Variants in ZNF112 observed in about 807,000 individuals in gnomAD.
ZNF112 encodes the protein zinc finger protein 112 (Y14).
In ZNF112, 37 loss-of-function variants were observed where a neutral mutation model predicts 77.7. That is an observed-to-expected ratio of 0.48 (90% CI 0.37 to 0.63). The LOEUF (loss-of-function observed/expected upper bound fraction) is 0.63. Among genes scored for constraint, ZNF112 ranks in the 20% least tolerant of loss-of-function variants. ZNF112 has a pLI of 0.00. For missense variants in ZNF112, 950 were observed against 1,077.4 expected (o/e 0.88, Z 1.66); for synonymous variants, 333 against 363.6 (o/e 0.92, Z 0.96).
At chr19:44,346,447 T>C (rs1970591750) in intron 1 of ZNF112, among the ~76,000 whole-genome samples, 1 of 152,330 alleles carries the variant, frequency 6.6e-6, no homozygotes, top group South Asian at 2.1e-4. Flanking sequence ...ATCTAGAAGC[T>C]GCTCATTAGC....
intron 3 of ZNF112, among the ~76,000 whole-genome samples, chr19:44,331,695 A>T (rs1232538525): frequency 6.6e-6 from 1 of 152,214 alleles, no homozygotes; most frequent in African/African-American, 2.4e-5. Flanking sequence ...TGTGCACTGC[A>T]TTCCTTTCAC....
intron 1 of ZNF112, among the ~76,000 whole-genome samples, chr19:44,366,571 G>C (rs1445219074): frequency 6.6e-6 from 1 of 152,120 alleles, no homozygotes; most frequent in African/African-American, 2.4e-5. Context: ...CGAGAAATCA[G>C]AACTGTGTCT....
chr19:44,339,758 T>C (rs1970454898), intron 2 of ZNF112, among the ~76,000 whole-genome samples: 1 of 152,150 alleles, frequency 6.6e-6, no homozygotes, highest in Non-Finnish European at 1.5e-5. Flanking sequence ...CTCAGTACTC[T>C]TGGGTCTTGG....
intron 3 of ZNF112, 25 bp downstream of exon 3, chr19:44,336,598 T>C (rs201699194): frequency 5.9e-5 from 93 of 1,586,950 alleles, no homozygotes; most frequent in Non-Finnish European, 8.0e-5. Context: ...CCCTGGCTGC[T>C]GTGTTCCTGC....
chr19:44,335,528 C>A (rs1054483073), intron 3 of ZNF112, among the ~76,000 whole-genome samples: 1 of 152,054 alleles, frequency 6.6e-6, no homozygotes, highest in Non-Finnish European at 1.5e-5. Context: ...CATTATGTTC[C>A]AGCTGACAGT....
At chr19:44,361,516 T>G (rs1970854914), upstream of ZNF112, among the ~76,000 whole-genome samples, 1 of 152,162 alleles carries the variant, frequency 6.6e-6, no homozygotes, top group Non-Finnish European at 1.5e-5. Context: ...TAACCTTAAA[T>G]TCATATTGTT....
chr19:44,362,601 C>T (rs1271839656), intron 1 of ZNF112, among the ~76,000 whole-genome samples: 1 of 151,410 alleles, frequency 6.6e-6, no homozygotes, highest in African/African-American at 2.4e-5. Flanking sequence ...ATATTACAGG[C>T]CTTTGACAAC....
chr19:44,327,627 C>T lies in ZNF112; in HGVS notation c.2530G>A (p.Ala844Thr), dbSNP rs776598211. 2.5e-6 allele frequency: 4 copies of T among 1,613,992 alleles called. No individual in the cohort carries two copies. The Admixed American group carries it at 5.0e-5, about 20-fold the overall frequency. ...TCTCCTGTGTGGACTCTCTGGTGAG[C>T]CTGAAGATTTGATCTCTGACTGAAG... ...KGFSQRSNLQ[A>T]HQRVHTGEKP... The change falls in exon 4 of 4, where the codon GCT becomes ACT. Residue 844 changes from alanine (A) to threonine (T), a missense_variant. By Grantham distance (58) the Ala-to-Thr change is moderately conservative. Around this residue, in one of 3 missense-constraint regions of ZNF112, gnomAD observed 373 missense variants for 482.8 expected, o/e 0.77. Transcript: ENST00000354340.
In ZNF112 at chr19:44,327,378, T is replaced by A. The variant is rs958717678; in HGVS notation, c.*55A>T. ...TTACATTTTAATTTTTAAAAATTCT[T>A]TTTCTACTGAAAGAACTCTAGTGAC... On this transcript the variant is annotated 3_prime_UTR_variant, in exon 4 of 4. Coordinates refer to ENST00000354340, the MANE Select transcript of ZNF112 (RefSeq NM_013380.4). 1 of 1,417,916 alleles carries A rather than the reference T, an allele frequency of 7.1e-7. No individual in the cohort carries two copies. The highest frequency in any genetic ancestry group is 9.5e-7 in the Non-Finnish European group (1 of 1,056,130). 87.8% of individuals were successfully genotyped at this position (1,417,916 alleles called of 1,614,324 possible). A position where few individuals can be genotyped will look rare whatever the true frequency, so the allele number is the denominator to read the frequency against.
intron 1 of ZNF112, chr19:44,341,068 G>C: frequency 2.2e-6 from 1 of 448,624 alleles, no homozygotes; most frequent in Non-Finnish European, 4.5e-6. Context: ...CTATGATCTT[G>C]GACAAGTTTC....
At chr19:44,342,986 C>G (rs1970519601) in intron 1 of ZNF112, among the ~76,000 whole-genome samples, 1 of 151,926 alleles carries the variant, frequency 6.6e-6, no homozygotes, top group African/African-American at 2.4e-5. Context: ...TGGACAAAAA[C>G]AGATTTGTAA....
Position 44,326,722 on chromosome 19 carries a change from A to G in ZNF112, c.*711T>C, listed in dbSNP as rs1292902577. 6.6e-6 allele frequency: 1 copy of G among 152,200 alleles called. No individual in the cohort carries two copies. The highest frequency in any genetic ancestry group is 1.5e-5 in the Non-Finnish European group (1 of 68,032). The allele number at this position is 152,200 out of a possible 1,614,324, so 9.4% of individuals were successfully genotyped here. A position where few individuals can be genotyped will look rare whatever the true frequency, so the allele number is the denominator to read the frequency against. On this transcript the variant is annotated 3_prime_UTR_variant, in exon 4 of 4. Coordinates refer to ENST00000354340, the MANE Select transcript of ZNF112 (RefSeq NM_013380.4). ...ACATTAACCAGAAACATTGTTTATC[A>G]GTTTGTACTGATATTTCAAGTGCAC... is the stretch of plus-strand genomic sequence containing the variant.
At chr19:44,332,543 G>C (rs1361410654) in intron 3 of ZNF112, among the ~76,000 whole-genome samples, 1 of 152,180 alleles carries the variant, frequency 6.6e-6, no homozygotes, top group African/African-American at 2.4e-5. Context: ...CTTCCAGCTA[G>C]GGTTAATCAT....
intron 1 of ZNF112, among the ~76,000 whole-genome samples, chr19:44,362,166 A>G (rs191902036): frequency 1.8e-4 from 27 of 152,306 alleles, no homozygotes; most frequent in Non-Finnish European, 2.9e-4. Context: ...TTAAGAAAGA[A>G]TAAACAATTT....
At chr19:44,336,254 A>T (rs562885809) in intron 3 of ZNF112, among the ~76,000 whole-genome samples, 99 of 152,346 alleles carry the variant, frequency 6.5e-4, no homozygotes, top group African/African-American at 2.3e-3. Flanking sequence ...TTCTACACCT[A>T]TTAGCTGCCT....
Position 44,329,263 on chromosome 19 carries a change from A to G in ZNF112, c.894T>C (p.His298=), listed in dbSNP as rs753396266. 6 of 1,613,924 alleles carry G rather than the reference A, an allele frequency of 3.7e-6. No individual in the cohort carries two copies. Among genetic ancestry groups the G allele is most frequent in the Non-Finnish European group, 5.1e-6 (6 of 1,179,998 alleles). The change falls in exon 4 of 4, where the codon CAT becomes CAC. Residue 298 remains histidine, a synonymous_variant. Coordinates refer to ENST00000354340, the MANE Select transcript of ZNF112 (RefSeq NM_013380.4). ...GCNYSSLLHI[H]QNIEREDDIE... Reference sequence around the variant, plus strand: ...TATCATCTTCTCTCTCAATATTTTGATGAATATGAAGAAGTGAACTATAAT... The same window carrying G: ...TATCATCTTCTCTCTCAATATTTTGGTGAATATGAAGAAGTGAACTATAAT...
intron 2 of ZNF112, among the ~76,000 whole-genome samples, chr19:44,338,506 C>T (rs750663974): frequency 1.3e-5 from 2 of 152,148 alleles, no homozygotes; most frequent in African/African-American, 2.4e-5. Context: ...ACTTCACGTG[C>T]CTCCAGATGT....
intron 2 of ZNF112, among the ~76,000 whole-genome samples, 172 bp from the exon 3 acceptor site, chr19:44,336,890 T>C (rs1433563369): frequency 6.6e-6 from 1 of 151,846 alleles, no homozygotes; most frequent in Non-Finnish European, 1.5e-5. Flanking sequence ...TTTTTTTTTT[T>C]TAAATAGGCT....
chr19:44,331,310 T>C (rs1392855481), intron 3 of ZNF112, among the ~76,000 whole-genome samples: 1 of 152,200 alleles, frequency 6.6e-6, no homozygotes, highest in Non-Finnish European at 1.5e-5. Context: ...AATACTGACT[T>C]TTGCTTGTGC....
Sources: gnomAD v4.1 joint callset for allele counts (sites outside exome capture counted in the v4.1 genomes callset) on GRCh38, gnomAD v4.1.1 for gene constraint, gnomAD v4.1.1 regional missense constraint, MANE v1.5 for transcripts, NCBI Gene and HGNC (gene_info 2026-07-23, HGNC 2026-07-21) for gene names.